The following SASH1 variants were observed in gnomAD, a reference collection of about 807,000 sequenced individuals.
SASH1 encodes the protein SAM and SH3 domain-containing protein 1.
In SASH1, 44 loss-of-function variants were observed where a neutral mutation model predicts 125.2. The ratio of observed to expected loss-of-function variants is 0.35; its 90% confidence interval spans 0.28 to 0.45. The LOEUF is 0.45. Ranked by LOEUF, SASH1 falls within the 20% of genes least tolerant of loss-of-function variation. SASH1 has a pLI of 1.00. For missense variants in SASH1, 1,426 were observed against 1,614.5 expected, an observed-to-expected ratio of 0.88 and a Z score of 2.00; for synonymous variants, 639 against 649.1, an observed-to-expected ratio of 0.98 and a Z score of 0.24.
At chr6:148,423,628 A>G (rs1775669726) in intron 2 of SASH1, among the ~76,000 whole-genome samples, 2 of 152,232 alleles carry the variant, frequency 1.3e-5, no homozygotes. Flanking sequence ...CGTTATTTAT[A>G]TGATAACATG....
chr6:148,538,482 G>A lies in SASH1; in HGVS notation c.2096-1961G>A, dbSNP rs573782529. 5.3e-5 allele frequency among the ~76,000 whole-genome samples: 8 copies of A among 152,334 alleles called. No homozygotes were observed. The South Asian group carries it at 1.0e-3, about 20-fold the overall frequency. ...GGCTCTTCCACACAGTGAGGACACC[G>A]CTCTAGAATGTTCCACTTTTAGGTG... On this transcript the variant is annotated intron_variant, in intron 16 of 19. Transcript: ENST00000367467.
intron 8 of SASH1, among the ~76,000 whole-genome samples, chr6:148,492,869 T>A (rs926639716): frequency 3.6e-5 from 5 of 137,960 alleles, no homozygotes; most frequent in African/African-American, 1.3e-4. Context: ...AATAAATAAA[T>A]AAATAAAATC....
At chr6:148,292,896 C>CA (rs1779670587) in intron 1 of SASH1, among the ~76,000 whole-genome samples, 1 of 152,004 alleles carries the variant, frequency 6.6e-6, no homozygotes, top group East Asian at 1.9e-4. Flanking sequence ...ACTAAAAATA[C>CA]AAAAAATTAG....
At position 148,519,488 on chromosome 6, in the gene SASH1, A is replaced by C; in HGVS notation, c.863-59A>C. On this transcript the variant is annotated intron_variant, in intron 9 of 19. Transcript: ENST00000367467. The surrounding 1 kb of genome is among the most constrained non-coding windows in gnomAD (Gnocchi z 4.8). ...CGGAGAAAGGTGGTGAATGTAAAGAAAGATGTATGCAAGAATGCAAAGGTG... is the reference window on the plus strand; with the variant it reads ...CGGAGAAAGGTGGTGAATGTAAAGACAGATGTATGCAAGAATGCAAAGGTG... 7.8e-7 allele frequency: 1 copy of C among 1,277,046 alleles called. No homozygotes were observed. The highest frequency in any genetic ancestry group is 1.3e-5 in the South Asian group (1 of 75,730). The allele number at this position is 1,277,046 out of a possible 1,614,324, so 79.1% of individuals were successfully genotyped here.
At chr6:148,222,459 C>T in the SASH1 span, among the ~76,000 whole-genome samples, 1 of 152,094 alleles carries the variant, frequency 6.6e-6, no homozygotes, top group Non-Finnish European at 1.5e-5. Context: ...GAAGAGACAC[C>T]GAGATCATTC....
intron 4 of SASH1, among the ~76,000 whole-genome samples, chr6:148,447,669 GTTCTTCCTCCTCTTC>G (rs1486334534): frequency 1.8e-5 from 2 of 112,022 alleles, no homozygotes; most frequent in Admixed American, 8.9e-5. Flanking sequence ...TCTTCCTCTT[GTTCTTCCTCCTCTTC>G]TTCTTCCTCT....
At chr6:148,531,133 C>T (rs1781488194) in intron 12 of SASH1, among the ~76,000 whole-genome samples, 1 of 152,098 alleles carries the variant, frequency 6.6e-6, no homozygotes, top group South Asian at 2.1e-4. Flanking sequence ...TAAATATCCT[C>T]TGACTACACT....
intron 6 of SASH1, among the ~76,000 whole-genome samples, chr6:148,472,568 A>G (rs1290342569): frequency 6.6e-6 from 1 of 152,146 alleles, no homozygotes; most frequent in Non-Finnish European, 1.5e-5. Context: ...CCAACTCCCC[A>G]TCACCCACTC....
At chr6:148,516,019 A>G (rs1357210865) in intron 9 of SASH1, among the ~76,000 whole-genome samples, 1 of 152,248 alleles carries the variant, frequency 6.6e-6, no homozygotes, top group Non-Finnish European at 1.5e-5. Flanking sequence ...AAAAATACAG[A>G]CATTGTAATT....
chr6:148,457,582 G>A (rs116265335), intron 4 of SASH1, among the ~76,000 whole-genome samples: 2 of 152,268 alleles, frequency 1.3e-5, no homozygotes, highest in East Asian at 3.9e-4. Flanking sequence ...GTGTTTTTGT[G>A]AGACTGAAAT....
chr6:148,379,391 G>T (rs555418905), intron 1 of SASH1, among the ~76,000 whole-genome samples: 26 of 152,172 alleles, frequency 1.7e-4, no homozygotes, highest in African/African-American at 5.8e-4. Context: ...ATCTTCGTTT[G>T]TTATTGTTTC....
intron 1 of SASH1, among the ~76,000 whole-genome samples, chr6:148,305,638 A>AG (rs1780107667): frequency 1.3e-5 from 2 of 150,314 alleles, no homozygotes; most frequent in South Asian, 2.1e-4. Context: ...AAAAAAAAAA[A>AG]AAAAAAGAAA....
At chr6:148,320,531 G>A (rs1176599012) in intron 1 of SASH1, among the ~76,000 whole-genome samples, 2 of 152,188 alleles carry the variant, frequency 1.3e-5, no homozygotes, top group East Asian at 3.8e-4. Flanking sequence ...TCAAAATAAA[G>A]TGAAGATTAC....
the SASH1 span, among the ~76,000 whole-genome samples, chr6:148,195,276 C>A: frequency 4.1e-4 from 62 of 152,254 alleles, no homozygotes; most frequent in African/African-American, 1.4e-3. Context: ...GTCCTCCAGG[C>A]AGAGAGGAAC....
chr6:148,454,064 A>C (rs1777225010), intron 4 of SASH1, among the ~76,000 whole-genome samples: 1 of 152,088 alleles, frequency 6.6e-6, no homozygotes, highest in African/African-American at 2.4e-5. Context: ...AGCAAGGACA[A>C]AGTCCACCCT....
chr6:148,334,400 C>T (rs1781088195), intron 1 of SASH1, among the ~76,000 whole-genome samples: 1 of 128,378 alleles, frequency 7.8e-6, no homozygotes, highest in African/African-American at 3.0e-5. Context: ...TGCACTCCCG[C>T]CTGGGCCACA....
intron 2 of SASH1, among the ~76,000 whole-genome samples, chr6:148,400,519 G>A (rs1160899477): frequency 2.0e-5 from 3 of 152,222 alleles, no homozygotes; most frequent in Non-Finnish European, 2.9e-5. Context: ...GGAGGCAGAG[G>A]CAGGTGGATC....
At chr6:148,313,159 G>C (rs1026296644) in intron 1 of SASH1, among the ~76,000 whole-genome samples, 1 of 152,150 alleles carries the variant, frequency 6.6e-6, no homozygotes, top group Non-Finnish European at 1.5e-5. Context: ...CAGAGACTAG[G>C]AGGGAAGCTT....
At chr6:148,253,796 T>G in the SASH1 span, among the ~76,000 whole-genome samples, 2 of 152,042 alleles carry the variant, frequency 1.3e-5, no homozygotes, top group Non-Finnish European at 2.9e-5. Flanking sequence ...CACTTGAATC[T>G]GGAAGGCAGA....
Sources: allele counts gnomAD v4.1 joint callset (sites outside exome capture counted in the v4.1 genomes callset), GRCh38; gene constraint gnomAD v4.1.1; non-coding constraint Gnocchi (gnomAD v3.1); transcripts MANE v1.5; gene names NCBI Gene and HGNC (gene_info 2026-07-23, HGNC 2026-07-21).